Variants in AK8 observed in about 807,000 individuals in gnomAD.
AK8 encodes adenylate kinase 8, also known as ATP-AMP transphosphorylase 8.
Under a neutral mutation model 54.6 loss-of-function variants are expected in AK8, and 44 were observed. The observed-to-expected ratio is 0.81, with a 90% CI of 0.63 to 1.04. The LOEUF (loss-of-function observed/expected upper bound fraction) is 1.04, where lower values mean the gene tolerates loss of function less well. AK8 is among the 50% of genes least tolerant of loss of function. AK8 has a pLI of 0.00. For missense variants in AK8, 555 were observed against 613.6 expected, an observed-to-expected ratio of 0.90 and a Z score of 1.01; for synonymous variants, 239 against 245.6, an observed-to-expected ratio of 0.97 and a Z score of 0.25.
Position 132,860,235 on chromosome 9 carries a change from G to A in AK8, c.333+3430C>T, listed in dbSNP as rs1006822580. On this transcript the variant is annotated intron_variant, in intron 4 of 12. Coordinates refer to ENST00000298545, the MANE Select transcript of AK8 (RefSeq NM_152572.3). This position sits in a 1 kb window ranked among gnomAD's most constrained non-coding sequence, Gnocchi z 4.4. ...GGCCTGAGCAGGAGAGGGCCCAGGAGCCATAAGAACACCATCTCCTCGGCG... is the reference window on the plus strand; with the variant it reads ...GGCCTGAGCAGGAGAGGGCCCAGGAACCATAAGAACACCATCTCCTCGGCG... Among the ~76,000 whole-genome samples the A allele has an allele frequency of 6.6e-6, 1 of 152,060 alleles. No homozygotes were observed. The highest frequency in any genetic ancestry group is 2.4e-5 in the African/African-American group (1 of 41,336).
rs184768565 is a variant in AK8 at position 132,852,071 on chromosome 9, G to A, written c.402+2786C>T. Among the ~76,000 whole-genome samples the A allele has an allele frequency of 1.6e-3, 249 of 152,234 alleles. 1 individual carries two copies. The highest frequency in any genetic ancestry group is 5.6e-3 in the African/African-American group (234 of 41,554). ...CACAGAAGGCAGAAAGAACCGATGC[G>A]ATAAAAAACTCACAGGACAAGCTCA... On this transcript the variant is annotated intron_variant, in intron 5 of 12. Coordinates refer to ENST00000298545, the MANE Select transcript of AK8 (RefSeq NM_152572.3).
chr9:132,860,607 C>T lies in AK8; in HGVS notation c.333+3058G>A, dbSNP rs1564443918. On this transcript the variant is annotated intron_variant, in intron 4 of 12. Transcript: ENST00000298545. This position sits in a 1 kb window ranked among gnomAD's most constrained non-coding sequence, Gnocchi z 4.4. Reference sequence around the variant, plus strand: ...GGACTAGACAGGGGAGCATGTTTGGCTTTCTCTGGCTGGTCTCAGGTTGGA... The same window carrying T: ...GGACTAGACAGGGGAGCATGTTTGGTTTTCTCTGGCTGGTCTCAGGTTGGA... Among the ~76,000 whole-genome samples the T allele has an allele frequency of 6.6e-6, 1 of 152,208 alleles. No homozygotes were observed. The highest frequency in any genetic ancestry group is 1.5e-5 in the Non-Finnish European group (1 of 68,028).
chr9:132,793,085 TGG>T (rs1840016577), intron 10 of AK8, among the ~76,000 whole-genome samples: 1 of 152,288 alleles, frequency 6.6e-6, no homozygotes, highest in Admixed American at 6.5e-5. Flanking sequence ...TTAGTCCATT[TGG>T]GCTGCTATAG....
At chr9:132,844,747 A>G (rs911524959) in intron 5 of AK8, among the ~76,000 whole-genome samples, 1 of 152,204 alleles carries the variant, frequency 6.6e-6, no homozygotes, top group Non-Finnish European at 1.5e-5. Flanking sequence ...CTATAAGACT[A>G]GAAGGGATTT....
intron 5 of AK8, among the ~76,000 whole-genome samples, chr9:132,839,832 C>T (rs919695931): frequency 3.0e-5 from 3 of 99,756 alleles, no homozygotes; most frequent in Admixed American, 9.7e-5. Flanking sequence ...GGGGGGGGGG[C>T]GCAGGGACGG....
At chr9:132,778,958 G>A (rs918877051) in intron 11 of AK8, among the ~76,000 whole-genome samples, 1 of 148,086 alleles carries the variant, frequency 6.8e-6, no homozygotes, top group South Asian at 2.1e-4. Context: ...GTCATTCGCC[G>A]CATGTGTTAC....
At chr9:132,862,352 G>C (rs1313996693) in intron 4 of AK8, among the ~76,000 whole-genome samples, 1 of 151,084 alleles carries the variant, frequency 6.6e-6, no homozygotes, top group African/African-American at 2.4e-5. Flanking sequence ...TGTTAACACA[G>C]AGTCTTATTC....
chr9:132,778,170 C>A (rs138412048), intron 11 of AK8, among the ~76,000 whole-genome samples: 1 of 152,146 alleles, frequency 6.6e-6, no homozygotes. Flanking sequence ...GGCACCATGG[C>A]GCACACAGTC....
At chr9:132,846,502 T>C (rs911090920) in intron 5 of AK8, among the ~76,000 whole-genome samples, 12 of 135,980 alleles carry the variant, frequency 8.8e-5, no homozygotes, top group Non-Finnish European at 7.8e-5. Flanking sequence ...CATGAGAGAA[T>C]AGATGAATGA....
At chr9:132,815,703 A>G (rs1414546377) in intron 9 of AK8, among the ~76,000 whole-genome samples, 1 of 152,260 alleles carries the variant, frequency 6.6e-6, no homozygotes, top group East Asian at 1.9e-4. Context: ...GGGCCGGCAC[A>G]AAGGAGGTGC....
intron 10 of AK8, among the ~76,000 whole-genome samples, chr9:132,812,224 G>A (rs963743084): frequency 7.1e-6 from 1 of 140,800 alleles, no homozygotes; most frequent in Non-Finnish European, 1.5e-5. Context: ...GCTTGCTACT[G>A]TGGCTTTTTT....
intron 11 of AK8, among the ~76,000 whole-genome samples, chr9:132,784,133 A>T (rs1325760940): frequency 6.6e-6 from 1 of 152,216 alleles, no homozygotes; most frequent in African/African-American, 2.4e-5. Context: ...TGGCCTGGTG[A>T]TTGTAAATGA....
chr9:132,786,545 G>C (rs1228664455), intron 11 of AK8, among the ~76,000 whole-genome samples: 1 of 152,128 alleles, frequency 6.6e-6, no homozygotes, highest in African/African-American at 2.4e-5. Flanking sequence ...CCTCTCTGGG[G>C]AATCGGAGCA....
Position 132,762,916 on chromosome 9 carries a change from C to T in AK8, c.1121+29718G>A, listed in dbSNP as rs1590211247. Reference sequence around the variant, plus strand: ...AAGAAAAGAAAAAGGAAGGAAACAACAGGACTCCACTGCCCATCCTCCAGC... The same window carrying T: ...AAGAAAAGAAAAAGGAAGGAAACAATAGGACTCCACTGCCCATCCTCCAGC... On this transcript the variant is annotated intron_variant, in intron 11 of 12. Coordinates refer to ENST00000298545, the MANE Select transcript of AK8 (RefSeq NM_152572.3). Among the ~76,000 whole-genome samples the T allele has an allele frequency of 2.0e-5, 3 of 152,282 alleles. No homozygotes were observed. The South Asian group carries it at 6.2e-4, about 32-fold the overall frequency.
chr9:132,820,145 A>G (rs1034440541), intron 9 of AK8, among the ~76,000 whole-genome samples: 1 of 37,080 alleles, frequency 2.7e-5, no homozygotes, highest in East Asian at 1.1e-3. Flanking sequence ...GTAAGACCCG[A>G]AAAAAAAAAA....
intron 10 of AK8, among the ~76,000 whole-genome samples, chr9:132,797,973 C>T (rs557331372): frequency 6.6e-6 from 1 of 152,332 alleles, no homozygotes; most frequent in South Asian, 2.1e-4. Flanking sequence ...CGTTCGAGTC[C>T]TTTAACCTTT....
rs77336847 is a variant in AK8 at position 132,837,915 on chromosome 9, C to A, written c.403-9189G>T. ...TGGAACTCAGACCTCCACTTCCAAT[C>A]CCCTGCAAAGCTAACTGCATCTGTA... On this transcript the variant is annotated intron_variant, in intron 5 of 12. Transcript: ENST00000298545. The surrounding 1 kb of genome is among the most constrained non-coding windows in gnomAD (Gnocchi z 4.3). 4.8e-4 allele frequency among the ~76,000 whole-genome samples: 73 copies of A among 152,340 alleles called. No homozygotes were observed. The East Asian group carries it at 0.013, about 27-fold the overall frequency.
At chr9:132,835,791 C>T (rs4962219) in intron 5 of AK8, among the ~76,000 whole-genome samples, 109,701 of 152,046 alleles carry the variant, frequency 0.72, 40,439 homozygotes, top group South Asian at 0.86. Flanking sequence ...AGTTCTAGAC[C>T]AGCCTGGACA....
intron 11 of AK8, among the ~76,000 whole-genome samples, chr9:132,789,707 C>T (rs138506129): frequency 0.013 from 1,950 of 151,010 alleles, 37 homozygotes; most frequent in African/African-American, 0.044. Flanking sequence ...TCTAACTGGG[C>T]TTAGGTCAAG....
Sources: gnomAD v4.1 joint callset for allele counts (sites outside exome capture counted in the v4.1 genomes callset) on GRCh38, gnomAD v4.1.1 for gene constraint, Gnocchi (gnomAD v3.1) non-coding constraint, MANE v1.5 for transcripts, NCBI Gene and HGNC (gene_info 2026-07-23, HGNC 2026-07-21) for gene names.